The following MIER2 variants were observed in gnomAD, a reference collection of about 807,000 sequenced individuals.
MIER2 encodes mesoderm induction early response protein 2.
In MIER2, 30 loss-of-function variants were observed where a neutral mutation model predicts 67.6. The observed-to-expected ratio is 0.44, with a 90% CI of 0.33 to 0.60. The LOEUF is 0.60. Ranked by LOEUF, MIER2 falls within the 20% of genes least tolerant of loss-of-function variation. MIER2 has a pLI of 0.02. For synonymous variants in MIER2, 372 were observed against 312.6 expected, an observed-to-expected ratio of 1.19 and a Z score of -2.00; for missense variants, 702 against 745.1, an observed-to-expected ratio of 0.94 and a Z score of 0.67.
At position 328,005 on chromosome 19, in the gene MIER2, G is replaced by C. The variant is rs370268823; in HGVS notation, c.244-16C>G. Reference sequence around the variant, plus strand: ...TGTCGTTGCTCTGAGTTGGGGAAGGGAACAAGGCCCCATCAGGAGGGACGG... The same window carrying C: ...TGTCGTTGCTCTGAGTTGGGGAAGGCAACAAGGCCCCATCAGGAGGGACGG... On this transcript the variant is annotated splice_polypyrimidine_tract_variant and intron_variant, in intron 3 of 13. Coordinates refer to ENST00000264819, the MANE Select transcript of MIER2 (RefSeq NM_017550.3). The C allele has an allele frequency of 6.2e-6, 10 of 1,612,194 alleles. No homozygotes were observed. The African/African-American group carries it at 1.2e-4, about 19-fold the overall frequency.
At chr19:342,432 G>C (rs1215102162) in intron 1 of MIER2, among the ~76,000 whole-genome samples, 1 of 151,926 alleles carries the variant, frequency 6.6e-6, no homozygotes, top group African/African-American at 2.4e-5. Context: ...AATGGGTAGA[G>C]TGCACCAGCA....
At chr19:324,555 C>A (rs907311248) in intron 7 of MIER2, among the ~76,000 whole-genome samples, 2 of 138,716 alleles carry the variant, frequency 1.4e-5, no homozygotes, top group Admixed American at 1.5e-4. Context: ...CACAACCACA[C>A]AGACGACTCG....
intron 1 of MIER2, among the ~76,000 whole-genome samples, chr19:342,556 G>C (rs77249113): frequency 1.3e-5 from 2 of 150,608 alleles, no homozygotes; most frequent in Non-Finnish European, 1.5e-5. Context: ...AAGCCATGGA[G>C]GGTTTTAGGT....
intron 10 of MIER2, among the ~76,000 whole-genome samples, chr19:309,904 G>C (rs1970868168): frequency 9.7e-6 from 1 of 102,620 alleles, no homozygotes; most frequent in African/African-American, 4.6e-5. Flanking sequence ...AGGGACACGA[G>C]AAGGGACACA....
At chr19:321,333 GTTAAC>G (rs546241556) in intron 7 of MIER2, among the ~76,000 whole-genome samples, 4 of 152,308 alleles carry the variant, frequency 2.6e-5, no homozygotes, top group South Asian at 2.1e-4. Flanking sequence ...ACCGTGCACC[GTTAAC>G]TTAACGTTTG....
Position 336,173 on chromosome 19 carries a change from C to T in MIER2, c.10G>A (p.Ala4Thr). The T allele has an allele frequency of 1.9e-6, 3 of 1,612,372 alleles. No individual in the cohort carries two copies. Among genetic ancestry groups the T allele is most frequent in the South Asian group, 1.1e-5 (1 of 90,964 alleles). ...GGACTCTGCCTCCCCAGCGAGGAGG[C>T]CTGCGAAGGAAGAGAGGCAGGGTTA... Reference protein sequence around the residue: MAEASSLGRQSPRV... With the variant: MAETSSLGRQSPRV... The change falls in exon 2 of 14, where the codon GCC (alanine) becomes ACC (threonine). Residue 4 changes from alanine (A) to threonine (T), a missense_variant and splice_region_variant. Ala to Thr is a moderately conservative substitution (Grantham distance 58, BLOSUM62 0). Around this residue, in one of 3 missense-constraint regions of MIER2, gnomAD observed 320 missense variants for 292.6 expected, o/e 1.09. Transcript: ENST00000264819.
At position 306,809 on chromosome 19, in the gene MIER2, T is replaced by C. The variant is rs1275216960; in HGVS notation, c.1617-98A>G. 5 of 1,533,974 alleles carry C rather than the reference T, an allele frequency of 3.3e-6. No homozygotes were observed. In the Admixed American group the frequency reaches 5.9e-5, roughly 18 times the overall value. ...AGCGCTGGACTCGAGACTCCCAGCCTTGCCTCCCCCACAGCCTATGGCAGC... is the reference window on the plus strand; with the variant it reads ...AGCGCTGGACTCGAGACTCCCAGCCCTGCCTCCCCCACAGCCTATGGCAGC... On this transcript the variant is annotated intron_variant, in intron 13 of 13. Transcript: ENST00000264819.
At chr19:315,212 A>G (rs1192394317) in intron 7 of MIER2, among the ~76,000 whole-genome samples, 2 of 152,086 alleles carry the variant, frequency 1.3e-5, no homozygotes, top group Non-Finnish European at 2.9e-5. Context: ...TAAAAATACA[A>G]AAATTAGCCG....
chr19:313,555 C>T lies in MIER2; in HGVS notation c.744G>A (p.Arg248=), dbSNP rs973456320. The T allele has an allele frequency of 7.4e-6, 12 of 1,613,366 alleles. No homozygotes were observed. The highest frequency in any genetic ancestry group is 1.3e-5 in the African/African-American group (1 of 75,054). Residue 248 remains arginine, a synonymous_variant, in exon 8 of 14, where the codon CGG becomes CGA. Coordinates refer to ENST00000264819, the MANE Select transcript of MIER2 (RefSeq NM_017550.3). ...GAGGCCCGGCCATCTCGTGCCAACG[C>T]CGCTTCACCGCCCTGTACAGGAACT... ...VEEFLYRAVK[R]RWHEMAGPQL...
chr19:328,060 C>A, intron 3 of MIER2, 71 bp from the exon 4 acceptor site: 1 of 1,585,152 alleles, frequency 6.3e-7, no homozygotes, highest in Non-Finnish European at 8.5e-7. Context: ...TGTCCTCTTG[C>A]CTGAGCCTCA....
intron 8 of MIER2, 52 bp downstream of exon 8, chr19:313,440 C>T: frequency 1.3e-6 from 2 of 1,584,912 alleles, no homozygotes; most frequent in Admixed American, 3.4e-5. Context: ...TGAGCTCTGG[C>T]CCACGCCACG....
intron 3 of MIER2, among the ~76,000 whole-genome samples, chr19:333,120 G>A (rs1244677199): frequency 1.1e-5 from 1 of 91,188 alleles, no homozygotes; most frequent in Non-Finnish European, 2.0e-5. Flanking sequence ...AGCCTCCCGA[G>A]TAGCTGGGAC....
intron 9 of MIER2, 57 bp downstream of exon 9, chr19:312,134 G>A (rs554577972): frequency 4.9e-5 from 58 of 1,178,542 alleles, no homozygotes; most frequent in Admixed American, 9.3e-5. Context: ...CGGGGAGAAC[G>A]GTCAGCAGTG....
chr19:312,209 T>G lies in MIER2; in HGVS notation c.871A>C (p.Asn291His). ...VEEALRRLRF[N>H]VKVIRDGLCA... is the part of the protein sequence containing the mutation. ...TGCTCACCTCGGATCACCTTCACGTTGAACCGCAGCCTTCGCAGGGCCTCC... is the reference window on the plus strand; with the variant it reads ...TGCTCACCTCGGATCACCTTCACGTGGAACCGCAGCCTTCGCAGGGCCTCC... Residue 291 changes from asparagine (N) to histidine (H), a missense_variant, in exon 9 of 14, where the codon AAC (asparagine) becomes CAC (histidine). This residue lies in a region of MIER2 where 128 missense variants were observed against 189.7 expected (regional missense o/e 0.67). Coordinates refer to ENST00000264819, the MANE Select transcript of MIER2 (RefSeq NM_017550.3). 6.2e-7 allele frequency: 1 copy of G among 1,613,926 alleles called. No individual in the cohort carries two copies. The highest frequency in any genetic ancestry group is 8.5e-7 in the Non-Finnish European group (1 of 1,179,882).
Position 313,536 on chromosome 19 carries a change from C to T in MIER2, c.763G>A (p.Gly255Arg), listed in dbSNP as rs374206795. 2.5e-5 allele frequency: 40 copies of T among 1,612,914 alleles called. No individual in the cohort carries two copies. The Admixed American group carries it at 4.5e-4, about 18-fold the overall frequency. Residue 255 changes from glycine (G) to arginine (R), a missense_variant, in exon 8 of 14, where the codon GGG becomes AGG. Gly to Arg is a moderately radical substitution (Grantham distance 125, BLOSUM62 -2). Transcript: ENST00000264819. The part of the protein sequence containing the change: ...AVKRRWHEMA[G>R]PQLPEGEAVK... ...GCTTCTCCCTCTGGGAGCTGAGGCC[C>T]GGCCATCTCGTGCCAACGCCGCTTC...
chr19:316,121 A>G (rs1971224205), intron 7 of MIER2, among the ~76,000 whole-genome samples: 2 of 152,376 alleles, frequency 1.3e-5, no homozygotes, highest in South Asian at 2.1e-4. Flanking sequence ...GAAAGCAAAA[A>G]TCCAGGCTTT....
At chr19:312,119 C>T in intron 9 of MIER2, 72 bp downstream of exon 9, 1 of 1,179,908 alleles carries the variant, frequency 8.5e-7, no homozygotes, top group Non-Finnish European at 1.2e-6. Flanking sequence ...AAGGAAGGCC[C>T]AGGCCGGGGA....
At position 328,376 on chromosome 19, in the gene MIER2, A is replaced by G. The variant is rs778443757; in HGVS notation, c.244-387T>C. Among the ~76,000 whole-genome samples the G allele has an allele frequency of 2.0e-5, 3 of 152,102 alleles. 1 individual carries two copies. The Middle Eastern group carries it at 0.01, about 517-fold the overall frequency. ...ACATCAATATATTAAAGGGGAAAAAAGTTATCTGAAAAAGGCATTTGGTAA... is the reference window on the plus strand; with the variant it reads ...ACATCAATATATTAAAGGGGAAAAAGGTTATCTGAAAAAGGCATTTGGTAA... On this transcript the variant is annotated intron_variant, in intron 3 of 13. Coordinates refer to ENST00000264819, the MANE Select transcript of MIER2 (RefSeq NM_017550.3).
At position 308,567 on chromosome 19, in the gene MIER2, C is replaced by A; in HGVS notation, c.1198+10G>T. On this transcript the variant is annotated intron_variant, in intron 12 of 13. Coordinates refer to ENST00000264819, the MANE Select transcript of MIER2 (RefSeq NM_017550.3). The surrounding 1 kb of genome is among the most constrained non-coding windows in gnomAD (Gnocchi z 9.1). ...CGCCCCCAGGGCAGGAGATACTCCC[C>A]AAGCCTCACCTGTGCGCATCCCAGT... 6.3e-7 allele frequency: 1 copy of A among 1,591,786 alleles called. No individual in the cohort carries two copies. The highest frequency in any genetic ancestry group is 8.5e-7 in the Non-Finnish European group (1 of 1,171,440).
Sources: gnomAD v4.1 joint callset for allele counts (sites outside exome capture counted in the v4.1 genomes callset) on GRCh38, gnomAD v4.1.1 for gene constraint, gnomAD v4.1.1 regional missense constraint, Gnocchi (gnomAD v3.1) non-coding constraint, MANE v1.5 for transcripts, NCBI Gene and HGNC (gene_info 2026-07-23, HGNC 2026-07-21) for gene names.